The following SMAD9 variants were observed in gnomAD, a reference collection of about 807,000 sequenced individuals.
SMAD9 encodes SMAD family member 9.
In SMAD9, 36 loss-of-function variants were observed where a neutral mutation model predicts 46.1. The observed-to-expected ratio is 0.78, with a 90% confidence interval of 0.60 to 1.03. The LOEUF (loss-of-function observed/expected upper bound fraction) is 1.03. SMAD9 is among the 50% of genes least tolerant of loss of function. The probability of loss-of-function intolerance (pLI) is 0.00; values close to 1 mark genes in which losing one functional copy is unlikely to be tolerated. For missense variants in SMAD9, 572 were observed against 599.8 expected, an observed-to-expected ratio of 0.95 and a Z score of 0.48; for synonymous variants, 245 against 237.1, an observed-to-expected ratio of 1.03 and a Z score of -0.31.
intron 1 of SMAD9, among the ~76,000 whole-genome samples, chr13:36,898,786 G>A (rs1443012330): frequency 1.3e-5 from 2 of 151,836 alleles, no homozygotes; most frequent in East Asian, 3.9e-4. Context: ...ATCTGTACAG[G>A]GTAACTACAA....
intron 5 of SMAD9, among the ~76,000 whole-genome samples, chr13:36,862,456 C>A (rs1037867753): frequency 6.8e-6 from 1 of 147,474 alleles, no homozygotes; most frequent in African/African-American, 2.5e-5. Context: ...CCCACTAGCA[C>A]CATGACAGTT....
intron 1 of SMAD9, among the ~76,000 whole-genome samples, chr13:36,896,542 C>A (rs1468806195): frequency 6.6e-6 from 1 of 152,180 alleles, no homozygotes; most frequent in Non-Finnish European, 1.5e-5. Flanking sequence ...TTCTACAATG[C>A]ATATCTGATC....
chr13:36,871,644 G>A (rs1204276346), intron 3 of SMAD9, among the ~76,000 whole-genome samples: 1 of 152,206 alleles, frequency 6.6e-6, no homozygotes, highest in African/African-American at 2.4e-5. Flanking sequence ...AAGGCTCGCT[G>A]TTCAATGGGG....
intron 1 of SMAD9, among the ~76,000 whole-genome samples, chr13:36,889,777 A>T (rs2058475326): frequency 6.6e-6 from 1 of 152,112 alleles, no homozygotes; most frequent in African/African-American, 2.4e-5. Context: ...GATCCTTAGA[A>T]ATCTATTTTT....
chr13:36,908,523 G>C (rs925346145), intron 1 of SMAD9, among the ~76,000 whole-genome samples: 51 of 152,082 alleles, frequency 3.4e-4, no homozygotes, highest in African/African-American at 1.2e-3. Flanking sequence ...ATCCCTCCTG[G>C]AATAGGAATA....
chr13:36,914,435 C>T (rs781653663), intron 1 of SMAD9, among the ~76,000 whole-genome samples: 3 of 152,156 alleles, frequency 2.0e-5, no homozygotes, highest in Non-Finnish European at 4.4e-5. Flanking sequence ...GGGAGAATGG[C>T]ATGAACCCGG....
chr13:36,865,855 G>C (rs2058228891), intron 4 of SMAD9, 97 bp from the exon 5 acceptor site: 1 of 1,042,512 alleles, frequency 9.6e-7, no homozygotes, highest in Non-Finnish European at 1.5e-6. Context: ...CTTTTCACCA[G>C]AAAGTCGGCT....
In SMAD9 at chr13:36,847,133, C is replaced by CAGT. The variant is rs1338194572; in HGVS notation, c.*1540_*1542dup. 6 of 152,140 alleles carry CAGT rather than the reference C, an allele frequency of 3.9e-5. No homozygotes were observed. Among genetic ancestry groups the CAGT allele is most frequent in the Admixed American group, 6.5e-5 (1 of 15,278 alleles). 9.4% of individuals were successfully genotyped at this position (152,140 alleles called of 1,614,324 possible). On this transcript the variant is annotated 3_prime_UTR_variant, in exon 7 of 7. Coordinates refer to ENST00000379826, the MANE Select transcript of SMAD9 (RefSeq NM_001127217.3). ...TAACACTAGTAACTGTAAGAGGTGA[C>CAGT]AGTAGTAGCTCAATCATATATCTTT...
chr13:36,916,413 A>T (rs563924633), intron 1 of SMAD9, among the ~76,000 whole-genome samples: 15 of 152,342 alleles, frequency 9.8e-5, no homozygotes, highest in African/African-American at 3.6e-4. Context: ...CAGGAGAAGG[A>T]GGCTCTCAAC....
Position 36,847,227 on chromosome 13 carries a change from A to G in SMAD9, c.*1449T>C, listed in dbSNP as rs1320296241. 5 of 152,218 alleles carry G rather than the reference A, an allele frequency of 3.3e-5. No homozygotes were observed. The highest frequency in any genetic ancestry group is 1.2e-4 in the African/African-American group (5 of 41,464). The allele number at this position is 152,218 out of a possible 1,614,324, so 9.4% of individuals were successfully genotyped here. A position where few individuals can be genotyped will look rare whatever the true frequency, so the allele number is the denominator to read the frequency against. The stretch of plus-strand genomic sequence containing the variant: ...ACTACCATGTGCACTAATGCTAGAA[A>G]GAGTTGAGATAAAATGTATAAATGA... On this transcript the variant is annotated 3_prime_UTR_variant, in exon 7 of 7. Transcript: ENST00000379826.
intron 5 of SMAD9, among the ~76,000 whole-genome samples, chr13:36,855,251 C>CAAAA (rs1198605048): frequency 3.0e-4 from 14 of 45,934 alleles, no homozygotes; most frequent in Non-Finnish European, 3.5e-4. Flanking sequence ...GAGTCCATCT[C>CAAAA]AAAAAAAAAA....
chr13:36,867,370 G>C lies in SMAD9; in HGVS notation c.684C>G (p.Pro228=), dbSNP rs2058245553. 6.5e-7 allele frequency: 1 copy of C among 1,548,026 alleles called. No homozygotes were observed. The highest frequency in any genetic ancestry group is 8.7e-7 in the Non-Finnish European group (1 of 1,145,374). Residue 228 remains proline, a synonymous_variant, in exon 4 of 7, where the codon CCC becomes CCG. Transcript: ENST00000379826. ...AGGCTTCTGTGGCATGATAAGGCAGGGGTGGTGTGTCAACTAAAAGAAAGC... is the reference window on the plus strand; with the variant it reads ...AGGCTTCTGTGGCATGATAAGGCAGCGGTGGTGTGTCAACTAAAAGAAAGC... ...SPYQHSVDTP[P]LPYHATEASE...
Position 36,847,889 on chromosome 13 carries a change from T to C in SMAD9, c.*787A>G, listed in dbSNP as rs530278633. On this transcript the variant is annotated 3_prime_UTR_variant, in exon 7 of 7. Coordinates refer to ENST00000379826, the MANE Select transcript of SMAD9 (RefSeq NM_001127217.3). Reference sequence around the variant, plus strand: ...CCAGCACGACAGGAACCTGGTCTCCTCTGTGGAAAGCAGGAGTCTCCCTGG... The same window carrying C: ...CCAGCACGACAGGAACCTGGTCTCCCCTGTGGAAAGCAGGAGTCTCCCTGG... The C allele has an allele frequency of 2.6e-5, 4 of 152,414 alleles. No individual in the cohort carries two copies. The East Asian group carries it at 5.8e-4, about 22-fold the overall frequency. The allele number at this position is 152,414 out of a possible 1,614,324, so 9.4% of individuals were successfully genotyped here.
chr13:36,895,102 C>T (rs1239141082), intron 1 of SMAD9, among the ~76,000 whole-genome samples: 1 of 152,166 alleles, frequency 6.6e-6, no homozygotes, highest in African/African-American at 2.4e-5. Context: ...CAGTTAGATT[C>T]CTCCACCACT....
chr13:36,913,152 C>A (rs973236590), intron 1 of SMAD9, among the ~76,000 whole-genome samples: 2 of 152,016 alleles, frequency 1.3e-5, no homozygotes, highest in Non-Finnish European at 2.9e-5. Context: ...TCTGTTGATG[C>A]AGAAACTGCT....
Position 36,853,199 on chromosome 13 carries a change from C to T in SMAD9, c.1260+220G>A, listed in dbSNP as rs1161919847. Among the ~76,000 whole-genome samples, 18 of 151,982 alleles carry T rather than the reference C, an allele frequency of 1.2e-4. 1 individual carries two copies. Among genetic ancestry groups the T allele is most frequent in the African/African-American group, 4.3e-4 (18 of 41,384 alleles). ...ACCCGGGAGGCTGAGGTAGGAAAAT[C>T]GCTTGAACCCGGGAGGCAGAGGTTG... On this transcript the variant is annotated intron_variant, in intron 6 of 6. Coordinates refer to ENST00000379826, the MANE Select transcript of SMAD9 (RefSeq NM_001127217.3).
chr13:36,870,659 T>C (rs2058283712), intron 3 of SMAD9, among the ~76,000 whole-genome samples: 1 of 152,248 alleles, frequency 6.6e-6, no homozygotes, highest in Non-Finnish European at 1.5e-5. Flanking sequence ...AGACCCCCAG[T>C]GGCTACCTGA....
Position 36,879,801 on chromosome 13 carries a change from T to C in SMAD9, c.-112A>G. On this transcript the variant is annotated 5_prime_UTR_variant, in exon 2 of 7. Coordinates refer to ENST00000379826, the MANE Select transcript of SMAD9 (RefSeq NM_001127217.3). ...ATAGGGACCAACCCGCCCGTTCTTC[T>C]GGGAGCAGCTGGGACCAATTCAAGT... The C allele has an allele frequency of 8.7e-7, 1 of 1,148,052 alleles. No individual in the cohort carries two copies. The highest frequency in any genetic ancestry group is 1.3e-6 in the Non-Finnish European group (1 of 785,948). 71.1% of individuals were successfully genotyped at this position (1,148,052 alleles called of 1,614,324 possible). A position where few individuals can be genotyped will look rare whatever the true frequency, so the allele number is the denominator to read the frequency against.
At chr13:36,890,482 G>A (rs1288518548) in intron 1 of SMAD9, among the ~76,000 whole-genome samples, 1 of 152,256 alleles carries the variant, frequency 6.6e-6, no homozygotes, top group African/African-American at 2.4e-5. Flanking sequence ...CGTAGTCAAT[G>A]AACCAGTTTT....
Sources: gnomAD v4.1 joint callset for allele counts (sites outside exome capture counted in the v4.1 genomes callset) on GRCh38, gnomAD v4.1.1 for gene constraint, MANE v1.5 for transcripts, NCBI Gene and HGNC (gene_info 2026-07-23, HGNC 2026-07-21) for gene names.